The following SHISA9 variants were observed in gnomAD, a reference collection of about 807,000 sequenced individuals.
SHISA9 encodes the protein shisa family member 9.
SHISA9 carries 13 observed loss-of-function variants against 38.0 expected under a neutral mutation model. That is an observed-to-expected ratio of 0.34 (90% CI 0.22 to 0.54). The LOEUF (loss-of-function observed/expected upper bound fraction) is 0.54, where lower values mean the gene tolerates loss of function less well. SHISA9 is among the 20% of genes least tolerant of loss of function. The probability of loss-of-function intolerance (pLI) is 0.91; values close to 1 mark genes in which losing one functional copy is unlikely to be tolerated. For missense variants in SHISA9, 538 were observed against 575.8 expected, an observed-to-expected ratio of 0.93 and a Z score of 0.67; for synonymous variants, 275 against 242.0, an observed-to-expected ratio of 1.14 and a Z score of -1.27.
At chr16:13,241,163 A>G, downstream of SHISA9, among the ~76,000 whole-genome samples, 1 of 152,180 alleles carries the variant, frequency 6.6e-6, no homozygotes, top group Admixed American at 6.5e-5. Context: ...AGGGATGCTA[A>G]TGTTCAGACA....
At chr16:13,054,447 C>T (rs551625735) in intron 2 of SHISA9, among the ~76,000 whole-genome samples, 62 of 152,282 alleles carry the variant, frequency 4.1e-4, no homozygotes, top group Non-Finnish European at 7.5e-4. Flanking sequence ...ATTTTGAACT[C>T]CCCGATATTT....
the SHISA9 span, among the ~76,000 whole-genome samples, chr16:13,538,356 C>CA: frequency 7.2e-5 from 11 of 152,246 alleles, no homozygotes; most frequent in Middle Eastern, 3.4e-3. Flanking sequence ...ACAAGACATA[C>CA]AGAATACTTG....
At chr16:13,260,007 C>CTCTTTTTTTTTTTTTTTTTTTTTTT in the SHISA9 span, among the ~76,000 whole-genome samples, 2 of 60,418 alleles carry the variant, frequency 3.3e-5, no homozygotes, top group Non-Finnish European at 5.8e-5. Flanking sequence ...TTCTTTCTTT[C>CTCTTTTTTTTTTTTTTTTTTTTTTT]TTTTTTTTTT....
At chr16:13,544,411 C>T in the SHISA9 span, among the ~76,000 whole-genome samples, 1 of 80,522 alleles carries the variant, frequency 1.2e-5, no homozygotes, top group Non-Finnish European at 2.4e-5. Flanking sequence ...TTTGTTTTTT[C>T]GGGTTTTTTT....
At chr16:13,466,289 G>A in the SHISA9 span, among the ~76,000 whole-genome samples, 3 of 152,212 alleles carry the variant, frequency 2.0e-5, no homozygotes, top group Non-Finnish European at 4.4e-5. Context: ...TGGCTGGGAT[G>A]ATTGATCTGG....
At chr16:13,154,116 G>T (rs1336572963) in intron 2 of SHISA9, among the ~76,000 whole-genome samples, 1 of 152,176 alleles carries the variant, frequency 6.6e-6, no homozygotes, top group African/African-American at 2.4e-5. Flanking sequence ...CATGTGCTGA[G>T]TTTCTTCTAC....
the SHISA9 span, among the ~76,000 whole-genome samples, chr16:13,408,282 T>G: frequency 6.6e-6 from 1 of 152,146 alleles, no homozygotes; most frequent in African/African-American, 2.4e-5. Flanking sequence ...AAAGTTGATA[T>G]AAAAATGAAT....
intron 3 of SHISA9, among the ~76,000 whole-genome samples, chr16:13,204,037 TCATCCATC>T (rs573247514): frequency 6.6e-6 from 1 of 152,074 alleles, no homozygotes; most frequent in South Asian, 2.1e-4. Flanking sequence ...TATCTATCTA[TCATCCATC>T]CATCCATCCT....
rs2073490909 is a variant in SHISA9, at chr16:13,069,898, A to G, written c.692-133496A>G. The stretch of plus-strand genomic sequence containing the variant: ...AGAAGAGAGGTGTCTATGAGGAATG[A>G]GTCCTCATCAGACACCTAATCTGCC... On this transcript the variant is annotated intron_variant, in intron 2 of 4. Transcript: ENST00000558583. Among the ~76,000 whole-genome samples, 4 of 152,282 alleles carry G rather than the reference A, an allele frequency of 2.6e-5. No homozygotes were observed. The South Asian group carries it at 6.2e-4, about 24-fold the overall frequency.
intron 2 of SHISA9, among the ~76,000 whole-genome samples, chr16:12,925,473 G>GTGTGTGTGTGTGTA (rs113968316): frequency 0.015 from 2,251 of 150,512 alleles, 30 homozygotes; most frequent in Middle Eastern, 0.024. Context: ...GTGTGTGTGT[G>GTGTGTGTGTGTGTA]CAAGCAACAG....
At chr16:13,185,984 T>C (rs529524446) in intron 2 of SHISA9, among the ~76,000 whole-genome samples, 1 of 152,332 alleles carries the variant, frequency 6.6e-6, no homozygotes, top group South Asian at 2.1e-4. Flanking sequence ...CTAAGGGTGA[T>C]ATTCTCAGGA....
intron 2 of SHISA9, among the ~76,000 whole-genome samples, chr16:13,068,703 A>C (rs2073463568): frequency 6.6e-6 from 1 of 152,218 alleles, no homozygotes; most frequent in African/African-American, 2.4e-5. Flanking sequence ...CTGTGATGGT[A>C]AAAGGGTCTG....
the SHISA9 span, among the ~76,000 whole-genome samples, chr16:13,271,769 A>T: frequency 2.0e-5 from 3 of 152,012 alleles, no homozygotes; most frequent in African/African-American, 7.2e-5. Flanking sequence ...GAGGGATCTT[A>T]TGGGGGGGGT....
chr16:13,472,653 A>C, the SHISA9 span, among the ~76,000 whole-genome samples: 20 of 152,044 alleles, frequency 1.3e-4, no homozygotes, highest in African/African-American at 4.8e-4. Flanking sequence ...CGGCCTCCCA[A>C]AGTGCTGGGA....
the SHISA9 span, among the ~76,000 whole-genome samples, chr16:13,337,091 A>G: frequency 1.3e-5 from 2 of 152,170 alleles, no homozygotes; most frequent in Admixed American, 6.5e-5. Flanking sequence ...TGGGAGGGAT[A>G]GTTCATTAGT....
chr16:13,220,288 A>G (rs1455409707), intron 4 of SHISA9, among the ~76,000 whole-genome samples: 1 of 152,130 alleles, frequency 6.6e-6, no homozygotes, highest in East Asian at 1.9e-4. Context: ...ACTCTGCTCC[A>G]TGTGCCTCAT....
At chr16:13,161,608 G>T (rs1463196160) in intron 2 of SHISA9, among the ~76,000 whole-genome samples, 1 of 152,136 alleles carries the variant, frequency 6.6e-6, no homozygotes, top group Non-Finnish European at 1.5e-5. Flanking sequence ...CAGACCCATG[G>T]TCAGGACCCA....
chr16:13,470,299 G>C, the SHISA9 span, among the ~76,000 whole-genome samples: 1 of 152,076 alleles, frequency 6.6e-6, no homozygotes, highest in Non-Finnish European at 1.5e-5. Context: ...CTCTAATTTC[G>C]GTATTCTTCT....
intron 2 of SHISA9, among the ~76,000 whole-genome samples, chr16:13,096,092 T>C (rs191346823): frequency 6.6e-6 from 1 of 152,216 alleles, no homozygotes; most frequent in African/African-American, 2.4e-5. Flanking sequence ...TGGTTAACGA[T>C]GAACAAGTCA....
Sources: gnomAD v4.1 joint callset for allele counts (sites outside exome capture counted in the v4.1 genomes callset) on GRCh38, gnomAD v4.1.1 for gene constraint, MANE v1.5 for transcripts, NCBI Gene and HGNC (gene_info 2026-07-23, HGNC 2026-07-21) for gene names.